PLEKHH2: variants seen among roughly 807,000 people sequenced by gnomAD.
PLEKHH2 encodes pleckstrin homology, MyTH4 and FERM domain containing H2.
In PLEKHH2, 129 loss-of-function variants were observed where a neutral mutation model predicts 187.9. The observed-to-expected ratio is 0.69, with a 90% CI of 0.59 to 0.79. PLEKHH2 has a LOEUF of 0.79. Ranked by LOEUF, PLEKHH2 falls within the 30% of genes least tolerant of loss-of-function variation. The pLI, the probability that PLEKHH2 is intolerant of heterozygous loss-of-function variation, is 0.00. For missense variants in PLEKHH2, 2,076 were observed against 1,751.2 expected, an observed-to-expected ratio of 1.19 and a Z score of -3.31; for synonymous variants, 686 against 605.6, an observed-to-expected ratio of 1.13 and a Z score of -1.95.
At chr2:43,642,942 A>G (rs746184815) in intron 1 of PLEKHH2, among the ~76,000 whole-genome samples, 3 of 152,124 alleles carry the variant, frequency 2.0e-5, no homozygotes, top group East Asian at 1.9e-4. Context: ...GTATCCCTAC[A>G]TTTCTGCGGA....
At chr2:43,716,817 A>G (rs1264523056) in intron 15 of PLEKHH2, among the ~76,000 whole-genome samples, 6 of 152,228 alleles carry the variant, frequency 3.9e-5, no homozygotes, top group Admixed American at 2.6e-4. Context: ...AGGGAATAAT[A>G]TAATGAGCCC....
chr2:43,765,577 C>G lies in PLEKHH2; in HGVS notation c.4461C>G (p.Thr1487=), dbSNP rs1275782343. 1.2e-6 allele frequency: 2 copies of G among 1,613,734 alleles called. No homozygotes were observed. The highest frequency in any genetic ancestry group is 1.3e-5 in the African/African-American group (1 of 74,856). The change falls in exon 30 of 30, where the codon ACC becomes ACG. Residue 1487 remains threonine (T), a synonymous_variant. Coordinates refer to ENST00000282406, the MANE Select transcript of PLEKHH2 (RefSeq NM_172069.4). The part of the protein sequence containing the change: ...SQPLLSSSRP[T]KGPTLL The stretch of plus-strand genomic sequence containing the variant: ...CTCTTCTGTCAAGCAGCAGACCGAC[C>G]AAAGGCCCCACCTTACTCTGAAAGC...
Position 43,726,413 on chromosome 2 carries a change from G to T in PLEKHH2, c.2683G>T (p.Gly895Cys). Residue 895 changes from glycine (G) to cysteine (C), a missense_variant, in exon 17 of 30, where the codon GGT becomes TGT. Transcript: ENST00000282406. ...YTIVIHPKDQ[G>C]PTYLLIGSKH... is the part of the protein sequence containing the mutation. ...TATCGTTATCCATCCCAAAGACCAA[G>T]GTCCAACTTACCTCCTAATTGGATC... The T allele has an allele frequency of 6.2e-7, 1 of 1,611,854 alleles. No homozygotes were observed. The highest frequency in any genetic ancestry group is 1.3e-5 in the African/African-American group (1 of 74,920).
At chr2:43,758,270 T>C (rs1454386172) in intron 26 of PLEKHH2, among the ~76,000 whole-genome samples, 1 of 152,202 alleles carries the variant, frequency 6.6e-6, no homozygotes, top group East Asian at 1.9e-4. Flanking sequence ...TGTTTTTGTT[T>C]AAGACAGAGT....
intron 1 of PLEKHH2, among the ~76,000 whole-genome samples, chr2:43,640,476 G>T (rs540535914): frequency 6.6e-6 from 1 of 152,196 alleles, no homozygotes; most frequent in Non-Finnish European, 1.5e-5. Flanking sequence ...TTACAGGCGT[G>T]AGCCACCATG....
chr2:43,696,222 C>T (rs751667024), intron 6 of PLEKHH2, among the ~76,000 whole-genome samples: 2 of 152,122 alleles, frequency 1.3e-5, no homozygotes, highest in African/African-American at 4.8e-5. Context: ...CCTGTAATCC[C>T]AGCATTTTGG....
intron 3 of PLEKHH2, among the ~76,000 whole-genome samples, chr2:43,691,679 C>G (rs891468402): frequency 6.6e-6 from 1 of 151,840 alleles, no homozygotes; most frequent in Non-Finnish European, 1.5e-5. Flanking sequence ...AAGTACTGTT[C>G]TTTTTTTAAA....
intron 15 of PLEKHH2, among the ~76,000 whole-genome samples, chr2:43,719,414 C>G (rs1670373737): frequency 6.6e-6 from 1 of 152,150 alleles, no homozygotes; most frequent in Non-Finnish European, 1.5e-5. Context: ...TGGGAAATTA[C>G]TAGAATTCTT....
intron 3 of PLEKHH2, among the ~76,000 whole-genome samples, chr2:43,691,153 C>T (rs1314122684): frequency 1.3e-5 from 2 of 152,184 alleles, no homozygotes; most frequent in African/African-American, 4.8e-5. Context: ...CTTATTGATG[C>T]AGGATTTTTT....
At chr2:43,729,551 A>G in intron 17 of PLEKHH2, 86 bp from the exon 18 acceptor site, 1 of 849,148 alleles carries the variant, frequency 1.2e-6, no homozygotes, top group Non-Finnish European at 1.7e-6. Context: ...TTCCATCTCA[A>G]AGTTTTCTAC....
chr2:43,655,323 G>T (rs1036654116), intron 2 of PLEKHH2, among the ~76,000 whole-genome samples: 2 of 152,154 alleles, frequency 1.3e-5, no homozygotes, highest in Non-Finnish European at 2.9e-5. Context: ...TAGTGTAGTG[G>T]TGGGGGATTT....
At chr2:43,639,490 T>C (rs1055312241) in intron 1 of PLEKHH2, among the ~76,000 whole-genome samples, 1 of 152,214 alleles carries the variant, frequency 6.6e-6, no homozygotes, top group Non-Finnish European at 1.5e-5. Context: ...TTGCCTCTTA[T>C]GGACATTTCA....
rs1335332424 is a variant in PLEKHH2, at chr2:43,740,999, C to T, written c.3177C>T (p.Phe1059=). Residue 1059 remains phenylalanine (F), a synonymous_variant, in exon 21 of 30, where the codon TTC becomes TTT. Coordinates refer to ENST00000282406, the MANE Select transcript of PLEKHH2 (RefSeq NM_172069.4). ...GGCTCTTCCTTCCCCATCATCCTTT[C>T]CTGTGGCTCCTCAGGCTTCACCTAA... The part of the protein sequence containing the change: ...CVGLFLPHHP[F]LWLLRLHLKR... The T allele has an allele frequency of 1.2e-6, 2 of 1,613,930 alleles. No individual in the cohort carries two copies. The highest frequency in any genetic ancestry group is 1.3e-5 in the African/African-American group (1 of 74,910).
chr2:43,749,431 G>A (rs116360842), intron 24 of PLEKHH2, among the ~76,000 whole-genome samples: 2,978 of 152,238 alleles, frequency 0.02, 101 homozygotes, highest in African/African-American at 0.068. Context: ...GCAGCTCCCC[G>A]ACCACCTTGG....
At chr2:43,728,579 T>A (rs368848507) in intron 17 of PLEKHH2, among the ~76,000 whole-genome samples, 9,138 of 142,670 alleles carry the variant, frequency 0.064, 766 homozygotes, top group African/African-American at 0.19. Context: ...TTTTTTTTTT[T>A]AAAACAGAGT....
chr2:43,749,238 T>C (rs191723391), intron 24 of PLEKHH2, among the ~76,000 whole-genome samples: 43 of 152,230 alleles, frequency 2.8e-4, no homozygotes, highest in African/African-American at 1.0e-3. Flanking sequence ...TGAATAAAAA[T>C]TTTTTGGTTG....
chr2:43,715,679 T>C (rs141312483), intron 15 of PLEKHH2, among the ~76,000 whole-genome samples: 2 of 152,290 alleles, frequency 1.3e-5, no homozygotes, highest in African/African-American at 2.4e-5. Context: ...GAGATAAAGA[T>C]GCCTGGTAGA....
At chr2:43,734,239 T>C (rs2104578738) in intron 19 of PLEKHH2, among the ~76,000 whole-genome samples, 1 of 152,326 alleles carries the variant, frequency 6.6e-6, no homozygotes, top group East Asian at 1.9e-4. Context: ...ACCCTAACTT[T>C]GGATTATTTT....
chr2:43,741,252 C>A, intron 21 of PLEKHH2: 1 of 370,466 alleles, frequency 2.7e-6, no homozygotes, highest in Admixed American at 4.4e-5. Flanking sequence ...GCAATAAATA[C>A]TTGAAAAACT....
Sources: allele counts gnomAD v4.1 joint callset (sites outside exome capture counted in the v4.1 genomes callset), GRCh38; gene constraint gnomAD v4.1.1; transcripts MANE v1.5; gene names NCBI Gene and HGNC (gene_info 2026-07-23, HGNC 2026-07-21).